Variants in SYNDIG1 observed in about 807,000 individuals in gnomAD.
SYNDIG1 encodes the protein synapse differentiation inducing 1.
Under a neutral mutation model 19.4 loss-of-function variants are expected in SYNDIG1, and 9 were observed. The ratio of observed to expected loss-of-function variants is 0.46; its 90% CI spans 0.28 to 0.81. SYNDIG1 has a LOEUF of 0.81. Ranked by LOEUF, SYNDIG1 falls within the 30% of genes least tolerant of loss-of-function variation. The pLI is 0.12. For synonymous variants in SYNDIG1, 141 were observed against 145.9 expected, an observed-to-expected ratio of 0.97 and a Z score of 0.24; for missense variants, 311 against 343.3, an observed-to-expected ratio of 0.91 and a Z score of 0.74.
At chr20:24,480,470 A>G (rs899269310) in intron 1 of SYNDIG1, among the ~76,000 whole-genome samples, 4 of 152,212 alleles carry the variant, frequency 2.6e-5, no homozygotes, top group African/African-American at 9.6e-5. Context: ...ATCACAGAAA[A>G]TAACAAGTGT....
chr20:24,532,334 A>T (rs1019003627), intron 1 of SYNDIG1, among the ~76,000 whole-genome samples: 1 of 152,198 alleles, frequency 6.6e-6, no homozygotes, highest in African/African-American at 2.4e-5. Context: ...CCTCAAACAC[A>T]TCATGCCAAG....
intron 1 of SYNDIG1, among the ~76,000 whole-genome samples, chr20:24,507,192 T>C (rs1980826): frequency 0.66 from 100,598 of 151,598 alleles, 33,494 homozygotes; most frequent in Middle Eastern, 0.77. Flanking sequence ...CTCTGTCCAT[T>C]AAGGCTGCGA....
At chr20:24,568,127 G>A (rs1568648551) in intron 2 of SYNDIG1, among the ~76,000 whole-genome samples, 1 of 152,130 alleles carries the variant, frequency 6.6e-6, no homozygotes, top group Non-Finnish European at 1.5e-5. Flanking sequence ...GGCGACAGAA[G>A]GAGAGTCTGT....
At chr20:24,541,716 C>G (rs564917535) in intron 1 of SYNDIG1, among the ~76,000 whole-genome samples, 37 of 152,324 alleles carry the variant, frequency 2.4e-4, no homozygotes, top group African/African-American at 8.9e-4. Context: ...AAGAGTCAGG[C>G]AGGAGGCTTT....
intron 1 of SYNDIG1, among the ~76,000 whole-genome samples, chr20:24,485,978 A>G (rs545045570): frequency 1.6e-4 from 25 of 152,320 alleles, no homozygotes; most frequent in Non-Finnish European, 3.1e-4. Flanking sequence ...TGGTAATAAG[A>G]AAGTATGGGG....
At chr20:24,525,608 A>C (rs967065984) in intron 1 of SYNDIG1, among the ~76,000 whole-genome samples, 1 of 152,070 alleles carries the variant, frequency 6.6e-6, no homozygotes, top group African/African-American at 2.4e-5. Flanking sequence ...ATACTTGATC[A>C]ATTTTTGAAA....
chr20:24,623,622 G>T (rs8126153), intron 3 of SYNDIG1, among the ~76,000 whole-genome samples: 27,210 of 152,202 alleles, frequency 0.18, 2,803 homozygotes, highest in East Asian at 0.45. Context: ...AGCATCCCAA[G>T]AAATGAGAAG....
intron 3 of SYNDIG1, among the ~76,000 whole-genome samples, chr20:24,624,863 A>G (rs971953053): frequency 6.6e-6 from 1 of 152,216 alleles, no homozygotes; most frequent in African/African-American, 2.4e-5. Context: ...GCAGACAACA[A>G]AATAATTAAG....
chr20:24,493,994 C>T (rs1389226476), intron 1 of SYNDIG1, among the ~76,000 whole-genome samples: 2 of 152,244 alleles, frequency 1.3e-5, no homozygotes, highest in Non-Finnish European at 2.9e-5. Flanking sequence ...GCCGCGGATA[C>T]TGGCCTTTTG....
intron 3 of SYNDIG1, among the ~76,000 whole-genome samples, chr20:24,639,701 CA>C (rs1484195813): frequency 3.3e-5 from 5 of 152,194 alleles, no homozygotes; most frequent in Non-Finnish European, 7.3e-5. Context: ...TATGAAAAAA[CA>C]GGGTGAAAAC....
intron 3 of SYNDIG1, among the ~76,000 whole-genome samples, chr20:24,627,517 C>T (rs1308933470): frequency 2.0e-5 from 3 of 152,218 alleles, no homozygotes; most frequent in Non-Finnish European, 4.4e-5. Flanking sequence ...AAGGATCATG[C>T]TGCAGTCTCC....
chr20:24,595,202 T>C (rs1427837597), intron 3 of SYNDIG1, among the ~76,000 whole-genome samples: 1 of 152,224 alleles, frequency 6.6e-6, no homozygotes, highest in African/African-American at 2.4e-5. Context: ...CCTAGTTTAT[T>C]AATGGTTTTT....
At chr20:24,632,142 C>T (rs2059253338) in intron 3 of SYNDIG1, among the ~76,000 whole-genome samples, 1 of 152,206 alleles carries the variant, frequency 6.6e-6, no homozygotes, top group African/African-American at 2.4e-5. Flanking sequence ...GGGCCCAGGG[C>T]GGTGTCAGGA....
intron 1 of SYNDIG1, among the ~76,000 whole-genome samples, chr20:24,506,562 G>A (rs1372705237): frequency 6.6e-6 from 1 of 152,186 alleles, no homozygotes; most frequent in Non-Finnish European, 1.5e-5. Flanking sequence ...TTCTCTTGAA[G>A]TCCTATTAAG....
At chr20:24,637,507 C>G (rs2059327747) in intron 3 of SYNDIG1, among the ~76,000 whole-genome samples, 1 of 152,232 alleles carries the variant, frequency 6.6e-6, no homozygotes, top group Non-Finnish European at 1.5e-5. Flanking sequence ...TTCATGAAGC[C>G]TCTTGCTCAC....
At chr20:24,508,349 C>T (rs1027170291) in intron 1 of SYNDIG1, among the ~76,000 whole-genome samples, 2 of 150,712 alleles carry the variant, frequency 1.3e-5, no homozygotes, top group African/African-American at 4.9e-5. Context: ...CTGCCTCAGC[C>T]TCCCAAGTAG....
At chr20:24,513,515 A>T (rs2056795244) in intron 1 of SYNDIG1, among the ~76,000 whole-genome samples, 1 of 152,234 alleles carries the variant, frequency 6.6e-6, no homozygotes, top group African/African-American at 2.4e-5. Context: ...AACTGGAAGG[A>T]AGGGTATCAG....
At chr20:24,502,651 T>C (rs2056483300) in intron 1 of SYNDIG1, among the ~76,000 whole-genome samples, 1 of 152,216 alleles carries the variant, frequency 6.6e-6, no homozygotes, top group Admixed American at 6.5e-5. Flanking sequence ...TTTTTAAGAG[T>C]TAGTGTCATT....
chr20:24,550,341 A>G (rs1369870373), intron 2 of SYNDIG1, among the ~76,000 whole-genome samples: 1 of 152,164 alleles, frequency 6.6e-6, no homozygotes, highest in Non-Finnish European at 1.5e-5. Context: ...CTTTGGATAA[A>G]TGCCAAGTAG....
Sources: gnomAD v4.1 joint callset for allele counts (sites outside exome capture counted in the v4.1 genomes callset) on GRCh38, gnomAD v4.1.1 for gene constraint, MANE v1.5 for transcripts, NCBI Gene and HGNC (gene_info 2026-07-23, HGNC 2026-07-21) for gene names.